Variants in MYO5B observed in about 807,000 individuals in gnomAD.
MYO5B encodes unconventional myosin-Vb.
A neutral mutation model predicts 229.3 loss-of-function variants in MYO5B; 143 were observed. The ratio of observed to expected loss-of-function variants is 0.62; its 90% confidence interval spans 0.54 to 0.72. MYO5B has a LOEUF of 0.72. MYO5B is among the 30% of genes least tolerant of loss of function. MYO5B has a pLI of 0.00. For missense variants in MYO5B, 2,321 were observed against 2,331.0 expected, an observed-to-expected ratio of 1.00 and a Z score of 0.09; for synonymous variants, 918 against 885.2, an observed-to-expected ratio of 1.04 and a Z score of -0.66.
At chr18:50,044,887 C>A (rs890322258) in intron 2 of MYO5B, among the ~76,000 whole-genome samples, 10 of 147,172 alleles carry the variant, frequency 6.8e-5, no homozygotes, top group African/African-American at 2.0e-4. Flanking sequence ...GGGGAAAGAG[C>A]AAGTAGGAGG....
At chr18:50,011,072 G>C (rs555489157) in intron 4 of MYO5B, among the ~76,000 whole-genome samples, 74 of 152,300 alleles carry the variant, frequency 4.9e-4, no homozygotes, top group African/African-American at 1.7e-3. Context: ...GCTGGGTGCA[G>C]TGGCTCACGT....
intron 18 of MYO5B, among the ~76,000 whole-genome samples, chr18:49,909,982 C>A (rs144290630): frequency 6.6e-5 from 10 of 152,134 alleles, no homozygotes; most frequent in African/African-American, 1.4e-4. Flanking sequence ...CTGTCCTCTA[C>A]GAAAAAGGAC....
At chr18:50,011,631 T>C (rs2026161899) in intron 4 of MYO5B, among the ~76,000 whole-genome samples, 2 of 152,094 alleles carry the variant, frequency 1.3e-5, no homozygotes, top group South Asian at 4.1e-4. Flanking sequence ...CTTTCTCTCC[T>C]TTACTGCTTG....
At chr18:49,956,186 C>T (rs115771137) in intron 12 of MYO5B, among the ~76,000 whole-genome samples, 1,767 of 152,314 alleles carry the variant, frequency 0.012, 34 homozygotes, top group African/African-American at 0.041. Context: ...CAGGAATTAA[C>T]AATGATCAAG....
chr18:49,944,631 T>C (rs559297900), intron 14 of MYO5B, among the ~76,000 whole-genome samples: 2 of 152,226 alleles, frequency 1.3e-5, no homozygotes, highest in South Asian at 2.1e-4. Context: ...CTCATTTATA[T>C]AAATGGAAGA....
chr18:49,865,965 A>T (rs112645341), intron 27 of MYO5B, among the ~76,000 whole-genome samples: 63 of 151,964 alleles, frequency 4.1e-4, no homozygotes, highest in African/African-American at 1.4e-3. Context: ...CTCCTCCCCC[A>T]CAGGTTCACT....
chr18:50,113,496 T>A (rs904077091), intron 1 of MYO5B, among the ~76,000 whole-genome samples: 1 of 152,246 alleles, frequency 6.6e-6, no homozygotes, highest in Non-Finnish European at 1.5e-5. Context: ...GGAACACTGC[T>A]CTGATATGGT....
At chr18:49,829,220 A>AG (rs2023885900) in intron 39 of MYO5B, among the ~76,000 whole-genome samples, 1 of 152,112 alleles carries the variant, frequency 6.6e-6, no homozygotes, top group East Asian at 1.9e-4. Context: ...CTGGGATTAC[A>AG]GGTGTGTGGG....
chr18:49,859,742 C>A (rs1034819318), intron 29 of MYO5B, among the ~76,000 whole-genome samples: 1 of 152,198 alleles, frequency 6.6e-6, no homozygotes, highest in African/African-American at 2.4e-5. Flanking sequence ...AGGAAATGAT[C>A]ACCTCCTTGA....
At chr18:50,058,232 G>A (rs184036240) in intron 1 of MYO5B, among the ~76,000 whole-genome samples, 57 of 152,250 alleles carry the variant, frequency 3.7e-4, no homozygotes, top group Middle Eastern at 3.4e-3. Context: ...TTTGGGAGCC[G>A]AGGCAGGTAG....
rs937892270 is a variant in MYO5B, at chr18:50,058,008, G to C, written c.28-2630C>G. Among the ~76,000 whole-genome samples the C allele has an allele frequency of 3.3e-5, 5 of 152,090 alleles. No homozygotes were observed. The South Asian group carries it at 1.0e-3, about 31-fold the overall frequency. On this transcript the variant is annotated intron_variant, in intron 1 of 39. Transcript: ENST00000285039. ...TGTTGCCTGTTTTTCTATAGCCCAT[G>C]AGTTAAGAATGGTTGAAAAAAGCTC... is the stretch of plus-strand genomic sequence containing the variant.
At chr18:50,130,431 T>C (rs919180671) in intron 1 of MYO5B, among the ~76,000 whole-genome samples, 4 of 152,210 alleles carry the variant, frequency 2.6e-5, no homozygotes, top group Admixed American at 2.0e-4. Context: ...GAAGGAAACC[T>C]GTACAACCTT....
chr18:50,002,055 T>C (rs1011226150), intron 4 of MYO5B, among the ~76,000 whole-genome samples: 2 of 128,830 alleles, frequency 1.6e-5, no homozygotes, highest in African/African-American at 2.7e-5. Context: ...AAAAAAAAAT[T>C]CACAAGCACA....
intron 27 of MYO5B, among the ~76,000 whole-genome samples, chr18:49,865,671 G>T (rs1447498177): frequency 6.6e-6 from 1 of 152,182 alleles, no homozygotes; most frequent in Non-Finnish European, 1.5e-5. Context: ...AGAACAGCTG[G>T]TGGCTAAGGT....
chr18:49,993,091 T>C (rs2025950780), intron 5 of MYO5B, among the ~76,000 whole-genome samples: 2 of 152,178 alleles, frequency 1.3e-5, no homozygotes, highest in African/African-American at 4.8e-5. Context: ...ATTTTTAAAA[T>C]GAGTGGATAT....
Position 49,974,396 on chromosome 18 carries a change from T to G in MYO5B, c.1276A>C (p.Thr426Pro). Residue 426 changes from threonine to proline, a missense_variant, in exon 10 of 40, where the codon ACC becomes CCC. Coordinates refer to ENST00000285039, the MANE Select transcript of MYO5B (RefSeq NM_001080467.3). ...ATGAAGGAGTGCTGCTTGAGGGAGGTGTGCAGGGCCTTGTTGATGTGCTCC... is the reference window on the plus strand; with the variant it reads ...ATGAAGGAGTGCTGCTTGAGGGAGGGGTGCAGGGCCTTGTTGATGTGCTCC... ...IVEHINKALH[T>P]SLKQHSFIGV... is the part of the protein sequence containing the mutation. 6.2e-7 allele frequency: 1 copy of G among 1,613,962 alleles called. No individual in the cohort carries two copies. Among genetic ancestry groups the G allele is most frequent in the African/African-American group, 1.3e-5 (1 of 74,964 alleles).
intron 36 of MYO5B, 120 bp from the exon 37 acceptor site, chr18:49,837,922 T>C: frequency 7.6e-7 from 1 of 1,317,290 alleles, no homozygotes; most frequent in East Asian, 2.3e-5. Context: ...GTGTGCAATG[T>C]TGACATGCTT....
Position 50,118,626 on chromosome 18 carries a change from CTTTTTTT to C in MYO5B, c.28-63255_28-63249del, listed in dbSNP as rs11429821. Among the ~76,000 whole-genome samples, 205 of 138,022 alleles carry C rather than the reference CTTTTTTT, an allele frequency of 1.5e-3. 2 individuals carry two copies. Among genetic ancestry groups the C allele is most frequent in the Admixed American group, 0.014 (197 of 13,788 alleles). The allele number at this position is 138,022 out of a possible 152,430, so 90.5% of individuals were successfully genotyped here. ...GTATACATGTGCCATGTTGGCATTT[CTTTTTTT>C]TTTTTTTTTGAGACGGAGTCTCGCT... is the stretch of plus-strand genomic sequence containing the variant. On this transcript the variant is annotated intron_variant, in intron 1 of 39. Transcript: ENST00000285039.
intron 1 of MYO5B, among the ~76,000 whole-genome samples, chr18:50,086,404 T>C (rs1275061756): frequency 1.3e-5 from 2 of 152,206 alleles, no homozygotes; most frequent in Non-Finnish European, 2.9e-5. Flanking sequence ...TATTCTACAT[T>C]TGTTTCCACT....
Sources: allele counts gnomAD v4.1 joint callset (sites outside exome capture counted in the v4.1 genomes callset), GRCh38; gene constraint gnomAD v4.1.1; transcripts MANE v1.5; gene names NCBI Gene and HGNC (gene_info 2026-07-23, HGNC 2026-07-21).